STIM2: variants seen among roughly 807,000 people sequenced by gnomAD.
STIM2 encodes the protein stromal interaction molecule 2.
In STIM2, 31 loss-of-function variants were observed where a neutral mutation model predicts 85.8. The ratio of observed to expected loss-of-function variants is 0.36; its 90% CI spans 0.27 to 0.49. The LOEUF (loss-of-function observed/expected upper bound fraction) is 0.49, where lower values mean the gene tolerates loss of function less well. Among genes scored for constraint, STIM2 ranks in the 20% least tolerant of loss-of-function variants. The pLI, the probability that STIM2 is intolerant of heterozygous loss-of-function variation, is 0.98. For synonymous variants in STIM2, 356 were observed against 331.1 expected, an observed-to-expected ratio of 1.08 and a Z score of -0.82; for missense variants, 841 against 927.6, an observed-to-expected ratio of 0.91 and a Z score of 1.21.
chr4:26,985,288 TA>T (rs1727543404), intron 3 of STIM2, among the ~76,000 whole-genome samples: 1 of 152,250 alleles, frequency 6.6e-6, no homozygotes, highest in Non-Finnish European at 1.5e-5. Flanking sequence ...TAAAAATTCT[TA>T]TTTTTAAATC....
intron 3 of STIM2, among the ~76,000 whole-genome samples, chr4:26,971,685 C>T (rs2109104930): frequency 6.6e-6 from 1 of 152,250 alleles, no homozygotes; most frequent in East Asian, 1.9e-4. Flanking sequence ...TGTGATGCCT[C>T]CAGCTTTGTT....
chr4:27,019,521 G>A (rs1446625635), intron 11 of STIM2: 61 of 1,270,988 alleles, frequency 4.8e-5, no homozygotes, highest in Non-Finnish European at 5.8e-5. Flanking sequence ...TTGATGGAAC[G>A]TTCAGTTCTC....
chr4:27,015,374 A>C (rs917222926), intron 10 of STIM2, among the ~76,000 whole-genome samples: 7 of 151,830 alleles, frequency 4.6e-5, no homozygotes, highest in Non-Finnish European at 1.0e-4. Flanking sequence ...TGTTTCTTTC[A>C]GTCATAATTT....
At chr4:26,943,697 A>G (rs1725705859) in intron 2 of STIM2, among the ~76,000 whole-genome samples, 1 of 152,094 alleles carries the variant, frequency 6.6e-6, no homozygotes, top group Non-Finnish European at 1.5e-5. Context: ...ATGTCTTCTC[A>G]GTGGATGGGG....
At chr4:26,892,800 A>G (rs146195886) in intron 1 of STIM2, among the ~76,000 whole-genome samples, 55 of 152,272 alleles carry the variant, frequency 3.6e-4, no homozygotes, top group Non-Finnish European at 6.9e-4. Context: ...TTGCCTTTCA[A>G]TCTTGCTAGC....
At chr4:26,946,321 A>G in intron 2 of STIM2, among the ~76,000 whole-genome samples, 1 of 152,256 alleles carries the variant, frequency 6.6e-6, no homozygotes, top group East Asian at 1.9e-4. Flanking sequence ...AACTATACCA[A>G]AATTAGAAGA....
chr4:26,930,313 GT>G (rs1279181748), intron 2 of STIM2, among the ~76,000 whole-genome samples: 1 of 152,104 alleles, frequency 6.6e-6, no homozygotes, highest in African/African-American at 2.4e-5. Context: ...TGACTGAAAA[GT>G]TTTATCATAG....
chr4:26,894,805 T>A (rs1162186437), intron 1 of STIM2, among the ~76,000 whole-genome samples: 1 of 152,280 alleles, frequency 6.6e-6, no homozygotes, highest in Non-Finnish European at 1.5e-5. Context: ...ACTTTGCAAT[T>A]AGCTTGTGAA....
rs950624483 is a variant in STIM2 at position 26,869,783 on chromosome 4, C to T, written c.151+8414C>T. The stretch of plus-strand genomic sequence containing the variant: ...TATAAATATTTTGTTTCTTAAAAGG[C>T]CACTGCTGTGGTAGCTTATCTAGTA... On this transcript the variant is annotated intron_variant, in intron 1 of 11. Coordinates refer to ENST00000467087, the MANE Select transcript of STIM2 (RefSeq NM_020860.4). Among the ~76,000 whole-genome samples the T allele has an allele frequency of 3.3e-5, 5 of 150,670 alleles. No individual in the cohort carries two copies. In the East Asian group the frequency reaches 9.7e-4, roughly 29 times the overall value.
At chr4:27,009,075 C>A in intron 10 of STIM2, 73 bp downstream of exon 10, 1 of 1,299,538 alleles carries the variant, frequency 7.7e-7, no homozygotes, top group Non-Finnish European at 1.1e-6. Flanking sequence ...TTTTAGGAAT[C>A]ATGTACTTCG....
At chr4:27,003,665 G>A (rs1415293576) in intron 7 of STIM2, among the ~76,000 whole-genome samples, 1 of 151,496 alleles carries the variant, frequency 6.6e-6, no homozygotes, top group Non-Finnish European at 1.5e-5. Flanking sequence ...TTAGTTTCCT[G>A]TTCCTGCTGT....
At chr4:26,960,516 T>G (rs1726410973) in intron 3 of STIM2, among the ~76,000 whole-genome samples, 1 of 152,228 alleles carries the variant, frequency 6.6e-6, no homozygotes. Flanking sequence ...AAATATTCAC[T>G]TTGATATTCA....
chr4:26,919,302 TA>T (rs1450654628), intron 1 of STIM2, among the ~76,000 whole-genome samples: 1 of 152,168 alleles, frequency 6.6e-6, no homozygotes, highest in African/African-American at 2.4e-5. Context: ...TGATGTTAAT[TA>T]AATTGGATTA....
chr4:26,861,418 C>T, intron 1 of STIM2, 49 bp downstream of exon 1: 4 of 1,268,022 alleles, frequency 3.2e-6, no homozygotes, highest in East Asian at 3.3e-5. Context: ...AGCGATGGGA[C>T]CCCCAACCCG....
chr4:27,019,404 A>G (rs1449687762), intron 11 of STIM2: 2 of 1,289,232 alleles, frequency 1.6e-6, no homozygotes, highest in South Asian at 1.2e-5. Flanking sequence ...TTGCAGTATG[A>G]TCATAGTCAC....
intron 2 of STIM2, among the ~76,000 whole-genome samples, chr4:26,923,035 G>C (rs998535692): frequency 4.0e-5 from 6 of 151,576 alleles, no homozygotes; most frequent in African/African-American, 1.5e-4. Context: ...ATCTGAGAAC[G>C]GGCAGACTGC....
In STIM2 at chr4:26,875,553, C is replaced by G. The variant is rs544856044; in HGVS notation, c.151+14184C>G. 2.4e-3 allele frequency among the ~76,000 whole-genome samples: 361 copies of G among 152,138 alleles called. 2 individuals are homozygous for G. The highest frequency in any genetic ancestry group is 3.9e-3 in the Non-Finnish European group (264 of 67,960). ...AGGAGTAGGAAGCCTGTATGTGTCT[C>G]AGGCCTCTAATTTATCATATAACAA... On this transcript the variant is annotated intron_variant, in intron 1 of 11. Transcript: ENST00000467087.
intron 2 of STIM2, among the ~76,000 whole-genome samples, chr4:26,951,530 G>A (rs1726051157): frequency 6.6e-6 from 1 of 152,082 alleles, no homozygotes; most frequent in African/African-American, 2.4e-5. Flanking sequence ...TTCATGCCTT[G>A]TGTTCAGTAT....
At chr4:26,899,362 G>T (rs1723832581) in intron 1 of STIM2, among the ~76,000 whole-genome samples, 1 of 152,088 alleles carries the variant, frequency 6.6e-6, no homozygotes, top group Admixed American at 6.6e-5. Context: ...TTATGTTCAT[G>T]AATGAGGCTG....
Sources: allele counts gnomAD v4.1 joint callset (sites outside exome capture counted in the v4.1 genomes callset), GRCh38; gene constraint gnomAD v4.1.1; transcripts MANE v1.5; gene names NCBI Gene and HGNC (gene_info 2026-07-23, HGNC 2026-07-21).